DNAH5: variants seen among roughly 807,000 people sequenced by gnomAD.
DNAH5 encodes the protein axonemal beta dynein heavy chain 5.
DNAH5 carries 372 observed loss-of-function variants against 518.2 expected under a neutral mutation model. The ratio of observed to expected loss-of-function variants is 0.72; its 90% CI spans 0.66 to 0.78. The LOEUF is 0.78. DNAH5 is among the 30% of genes least tolerant of loss of function. The pLI, the probability that DNAH5 is intolerant of heterozygous loss-of-function variation, is 0.00. For missense variants in DNAH5, 5,523 were observed against 5,687.0 expected (o/e 0.97, Z 0.93); for synonymous variants, 2,039 against 2,025.9 (o/e 1.01, Z -0.17).
At chr5:13,856,370 C>T (rs958913047) in intron 30 of DNAH5, among the ~76,000 whole-genome samples, 31 of 152,132 alleles carry the variant, frequency 2.0e-4, no homozygotes, top group Non-Finnish European at 4.0e-4. Context: ...CTATAAACAC[C>T]TCTATACAAA....
chr5:13,870,953 G>A lies in DNAH5; in HGVS notation c.3648C>T (p.Val1216=), dbSNP rs1175994969. The change falls in exon 24 of 79, where the codon GTC becomes GTT. Residue 1216 remains valine, a synonymous_variant. Transcript: ENST00000265104. ...ATTTTTTGTTACAGTGGCGTCCAAT[G>A]ACAACCATCCAGGCCTTTGTCTCAG... The part of the protein sequence containing the change: ...LTAETKAWMV[V]IGRHCNKKYR... 1.9e-6 allele frequency: 3 copies of A among 1,613,622 alleles called. No homozygotes were observed. Among genetic ancestry groups the A allele is most frequent in the South Asian group, 1.1e-5 (1 of 91,080 alleles).
At chr5:13,695,327 G>A (rs1741224692) in intron 78 of DNAH5, among the ~76,000 whole-genome samples, 1 of 152,104 alleles carries the variant, frequency 6.6e-6, no homozygotes, top group Non-Finnish European at 1.5e-5. Flanking sequence ...GGAGGTATAC[G>A]GAGGGAGAGC....
chr5:13,964,056 G>A (rs527929832), intron 1 of DNAH5, among the ~76,000 whole-genome samples: 1 of 152,238 alleles, frequency 6.6e-6, no homozygotes, highest in East Asian at 1.9e-4. Context: ...TACATAAGCA[G>A]TAGGCTAAAA....
chr5:13,957,001 G>A (rs1203459597), intron 1 of DNAH5, among the ~76,000 whole-genome samples: 1 of 152,166 alleles, frequency 6.6e-6, no homozygotes, highest in African/African-American at 2.4e-5. Context: ...AAACAACACT[G>A]TACCTCAATC....
chr5:13,799,157 TACAAA>T (rs1208693631), intron 47 of DNAH5, among the ~76,000 whole-genome samples: 2 of 151,976 alleles, frequency 1.3e-5, no homozygotes, highest in Non-Finnish European at 2.9e-5. Context: ...CTCATTCAAT[TACAAA>T]ACAAATCTCC....
In DNAH5 at chr5:13,820,408, G is replaced by A. The variant is rs370292438; in HGVS notation, c.6779C>T (p.Thr2260Ile). 23 of 1,613,764 alleles carry A rather than the reference G, an allele frequency of 1.4e-5. 1 individual carries two copies. The African/African-American group carries it at 2.8e-4, about 20-fold the overall frequency. The change falls in exon 41 of 79, where the codon ACT (threonine) becomes ATT (isoleucine). Residue 2260 changes from threonine (T) to isoleucine (I), a missense_variant. Physicochemically the swap from Thr to Ile is moderately conservative, Grantham distance 89. Coordinates refer to ENST00000265104, the MANE Select transcript of DNAH5 (RefSeq NM_001369.3). ...ETQRVRHGMM[T>I]LGPSGAGKTT... Reference sequence around the variant, plus strand: ...CTTCCCAGCCCCACTGGGCCCCAGAGTCATCATCCCATGTCGCACTCTCTG... The same window carrying A: ...CTTCCCAGCCCCACTGGGCCCCAGAATCATCATCCCATGTCGCACTCTCTG...
chr5:13,820,975 G>A (rs1404425616), intron 40 of DNAH5, among the ~76,000 whole-genome samples: 1 of 152,068 alleles, frequency 6.6e-6, no homozygotes, highest in Non-Finnish European at 1.5e-5. Context: ...TTCTGAAGAT[G>A]GATGGTGGTG....
intron 12 of DNAH5, among the ~76,000 whole-genome samples, chr5:13,906,159 G>A (rs1384269910): frequency 3.9e-5 from 6 of 152,176 alleles, no homozygotes; most frequent in Non-Finnish European, 8.8e-5. Context: ...AAAACACTTT[G>A]CCTGATATTA....
intron 35 of DNAH5, among the ~76,000 whole-genome samples, chr5:13,833,805 G>T (rs904239435): frequency 6.6e-6 from 1 of 152,178 alleles, no homozygotes; most frequent in Non-Finnish European, 1.5e-5. Flanking sequence ...GACAATTCTA[G>T]TCTTCATTAA....
At chr5:13,807,532 T>C (rs1759809276) in intron 47 of DNAH5, 59 bp downstream of exon 47, 1 of 1,543,766 alleles carries the variant, frequency 6.5e-7, no homozygotes, top group Admixed American at 1.7e-5. Context: ...AGTAGAGATT[T>C]GAGCCTCCAA....
intron 31 of DNAH5, among the ~76,000 whole-genome samples, chr5:13,847,812 A>C (rs1766248974): frequency 6.6e-6 from 1 of 151,754 alleles, no homozygotes. Flanking sequence ...TGGTGGGTGG[A>C]AGATGAGGAA....
In DNAH5 at chr5:13,714,518, C is replaced by T. The variant is rs1454286271; in HGVS notation, c.13012G>A (p.Gly4338Ser). The change falls in exon 75 of 79, where the codon GGC (glycine) becomes AGC (serine). Residue 4338 changes from glycine (G) to serine (S), a missense_variant. Gly to Ser is a moderately conservative substitution (Grantham distance 56). This residue lies in a region of DNAH5 where 387 missense variants were observed against 430.0 expected (regional missense o/e 0.90). Transcript: ENST00000265104. ...LAKDVLDTIL[G>S]IQPKDTSGGG... is the part of the protein sequence containing the mutation. ...CCAGAGGTGTCCTTGGGTTGGATGC[C>T]TAGGATGGTGTCCAGCACGTCCTTG... 6.2e-7 allele frequency: 1 copy of T among 1,614,010 alleles called. No homozygotes were observed. Among genetic ancestry groups the T allele is most frequent in the African/African-American group, 1.3e-5 (1 of 74,930 alleles).
intron 64 of DNAH5, among the ~76,000 whole-genome samples, chr5:13,751,478 C>CAT (rs1750218518): frequency 6.6e-6 from 1 of 152,026 alleles, no homozygotes; most frequent in Non-Finnish European, 1.5e-5. Context: ...TATATACACA[C>CAT]ATATATATAA....
chr5:13,865,592 G>T (rs1769127623), intron 27 of DNAH5, 76 bp downstream of exon 27: 2 of 902,234 alleles, frequency 2.2e-6, no homozygotes, highest in Admixed American at 1.7e-5. Context: ...GGGGTGAAAA[G>T]AGAACTTGGC....
chr5:13,777,201 C>T lies in DNAH5; in HGVS notation c.9105+1G>A. The T allele has an allele frequency of 4.3e-6, 7 of 1,611,928 alleles. No individual in the cohort carries two copies. Among genetic ancestry groups the T allele is most frequent in the Non-Finnish European group, 5.9e-6 (7 of 1,178,622 alleles). ...CACATAAAGAATAAATGAGCTCCTA[C>T]CTCACCTGATGATAAAACATTGTTC... On this transcript the variant is annotated splice_donor_variant, in intron 54 of 78. Coordinates refer to ENST00000265104, the MANE Select transcript of DNAH5 (RefSeq NM_001369.3). LOFTEE classifies it high-confidence loss of function.
upstream of DNAH5, among the ~76,000 whole-genome samples, chr5:13,946,271 G>C (rs1433743915): frequency 6.6e-6 from 1 of 152,200 alleles, no homozygotes; most frequent in African/African-American, 2.4e-5. Flanking sequence ...GATTTCCACA[G>C]ATGGCTGATG....
intron 11 of DNAH5, among the ~76,000 whole-genome samples, chr5:13,913,212 A>T (rs1398786187): frequency 6.6e-6 from 1 of 152,102 alleles, no homozygotes; most frequent in East Asian, 1.9e-4. Context: ...CACTATGCCC[A>T]CTTTCAAAAC....
rs1746201027 is a variant in DNAH5 at position 13,729,463 on chromosome 5, T to G, written c.11859A>C (p.Arg3953Ser). The change falls in exon 69 of 79, where the codon AGA (arginine) becomes AGC (serine). Residue 3953 changes from arginine to serine, a missense_variant. This residue lies in a region of DNAH5 where 5,121 missense variants were observed against 5,223.3 expected (regional missense o/e 0.98). Transcript: ENST00000265104. ...WLNLVELSKLRQFSDVLDQIS... is the reference protein window; with the variant it reads ...WLNLVELSKLSQFSDVLDQIS... ...CCTGGTCAAGGACATCTGAAAACTG[T>G]CTGAGTTTGCTAAGTTCCACCAAAT... 6.2e-7 allele frequency: 1 copy of G among 1,613,910 alleles called. No individual in the cohort carries two copies. Among genetic ancestry groups the G allele is most frequent in the Non-Finnish European group, 8.5e-7 (1 of 1,179,916 alleles).
chr5:13,777,076 T>A, intron 54 of DNAH5, 126 bp downstream of exon 54: 1 of 911,728 alleles, frequency 1.1e-6, no homozygotes, highest in Non-Finnish European at 1.7e-6. Context: ...CCATCCTTCA[T>A]ACTGATCACT....
Sources: gnomAD v4.1 joint callset for allele counts (sites outside exome capture counted in the v4.1 genomes callset) on GRCh38, gnomAD v4.1.1 for gene constraint, gnomAD v4.1.1 regional missense constraint, MANE v1.5 for transcripts, NCBI Gene and HGNC (gene_info 2026-07-23, HGNC 2026-07-21) for gene names.